The following TENM2 variants were observed in gnomAD, a reference collection of about 807,000 sequenced individuals.
The protein encoded by TENM2 is teneurin-2.
A neutral mutation model predicts 245.2 loss-of-function variants in TENM2; 52 were observed. The ratio of observed to expected loss-of-function variants is 0.21; its 90% CI spans 0.17 to 0.27. The LOEUF (loss-of-function observed/expected upper bound fraction) is 0.27. Ranked by LOEUF, TENM2 falls within the 10% of genes least tolerant of loss-of-function variation. The probability of loss-of-function intolerance (pLI) is 1.00; values close to 1 mark genes in which losing one functional copy is unlikely to be tolerated. For synonymous variants in TENM2, 1,363 were observed against 1,438.9 expected, an observed-to-expected ratio of 0.95 and a Z score of 1.19; for missense variants, 3,046 against 3,666.8, an observed-to-expected ratio of 0.83 and a Z score of 4.37.
chr5:167,838,040 A>C (rs572140687), intron 2 of TENM2, among the ~76,000 whole-genome samples: 8 of 152,230 alleles, frequency 5.3e-5, no homozygotes, highest in Non-Finnish European at 1.0e-4. Flanking sequence ...AAATGCCCAG[A>C]AGAAATACCG....
intron 2 of TENM2, among the ~76,000 whole-genome samples, chr5:167,812,223 TGAA>T (rs1561808963): frequency 1.3e-5 from 2 of 152,166 alleles, no homozygotes; most frequent in Admixed American, 1.3e-4. Context: ...GAGAAGGGGC[TGAA>T]GATGATGGAA....
At chr5:167,070,533 ATAT>A in the TENM2 span, among the ~76,000 whole-genome samples, 533 of 152,148 alleles carry the variant, frequency 3.5e-3, 2 homozygotes, top group African/African-American at 0.012. Flanking sequence ...ATCATAATAA[ATAT>A]TAATAATAGC....
intron 2 of TENM2, among the ~76,000 whole-genome samples, chr5:167,614,985 C>G (rs1175681367): frequency 6.6e-6 from 1 of 152,116 alleles, no homozygotes; most frequent in African/African-American, 2.4e-5. Flanking sequence ...TTTACTTTAT[C>G]TCACTGTGGG....
chr5:168,252,456 C>T (rs753664420), intron 27 of TENM2, among the ~76,000 whole-genome samples: 21 of 151,850 alleles, frequency 1.4e-4, no homozygotes, highest in Non-Finnish European at 2.4e-4. Flanking sequence ...GAAACTCTTC[C>T]GTCTTGGACA....
chr5:167,956,991 T>G (rs1780611315), intron 4 of TENM2, among the ~76,000 whole-genome samples: 1 of 152,192 alleles, frequency 6.6e-6, no homozygotes, highest in Non-Finnish European at 1.5e-5. Flanking sequence ...CCTCATAAAA[T>G]GAGTTAGGGA....
intron 2 of TENM2, among the ~76,000 whole-genome samples, chr5:167,609,796 G>A (rs1008047140): frequency 6.6e-5 from 10 of 152,086 alleles, no homozygotes; most frequent in African/African-American, 9.7e-5. Flanking sequence ...TGTTCAACAC[G>A]GAATACTTAA....
At chr5:168,204,273 A>C (rs74878072) in intron 18 of TENM2, 99 bp from the exon 21 acceptor site, 50,179 of 1,326,104 alleles carry the variant, frequency 0.038, 1,874 homozygotes, top group African/African-American at 0.18. Context: ...CGAGCACTGA[A>C]GATTCCTAAT....
chr5:166,983,100 AC>A, the TENM2 span, among the ~76,000 whole-genome samples: 4 of 152,202 alleles, frequency 2.6e-5, no homozygotes, highest in South Asian at 8.3e-4. Flanking sequence ...ATAAACCACT[AC>A]TTAACATAAT....
intron 2 of TENM2, among the ~76,000 whole-genome samples, chr5:167,632,260 T>C (rs1778922078): frequency 6.6e-6 from 1 of 152,210 alleles, no homozygotes; most frequent in East Asian, 1.9e-4. Context: ...TCATGGGCCA[T>C]GATAGTGTCT....
chr5:167,651,810 G>A (rs182810855), intron 2 of TENM2, among the ~76,000 whole-genome samples: 1 of 152,208 alleles, frequency 6.6e-6, no homozygotes, highest in East Asian at 1.9e-4. Context: ...CTGAACACAC[G>A]TAGCTTCCAA....
At chr5:167,867,969 G>C (rs1367608454) in intron 2 of TENM2, among the ~76,000 whole-genome samples, 1 of 152,208 alleles carries the variant, frequency 6.6e-6, no homozygotes, top group Non-Finnish European at 1.5e-5. Context: ...AGGGGAAGAA[G>C]GCTGACTGAA....
Position 168,083,230 on chromosome 5 carries a change from T to C in TENM2, c.1516-7344T>C, listed in dbSNP as rs186944004. ...TGTGCCAGCAATAACCGAGGATCCG[T>C]TGGTGTGGGACCCTCTGAGCCATGT... On this transcript the variant is annotated intron_variant, in intron 7 of 28. Coordinates refer to ENST00000518659, the Ensembl canonical transcript of TENM2. Among the ~76,000 whole-genome samples, 732 of 152,320 alleles carry C rather than the reference T, an allele frequency of 4.8e-3. 11 individuals carry two copies. Among genetic ancestry groups the C allele is most frequent in the African/African-American group, 0.017 (699 of 41,556 alleles).
At chr5:167,280,968 T>C (rs1253524066), upstream of TENM2, among the ~76,000 whole-genome samples, 1 of 152,122 alleles carries the variant, frequency 6.6e-6, no homozygotes, top group African/African-American at 2.4e-5. Flanking sequence ...GGCTTTTAGC[T>C]GTACCTTGTA....
chr5:167,904,129 A>G (rs537604201), intron 3 of TENM2, among the ~76,000 whole-genome samples: 2 of 152,196 alleles, frequency 1.3e-5, no homozygotes, highest in Non-Finnish European at 2.9e-5. Flanking sequence ...ATATATGCCT[A>G]TTTATGCCCC....
chr5:167,878,856 A>G (rs547065877), intron 3 of TENM2, among the ~76,000 whole-genome samples: 6 of 152,276 alleles, frequency 3.9e-5, no homozygotes, highest in Admixed American at 6.5e-5. Flanking sequence ...GGTTAATTAC[A>G]CAGAATTTTT....
At chr5:167,490,630 A>G (rs1190788985) in intron 2 of TENM2, among the ~76,000 whole-genome samples, 1 of 152,188 alleles carries the variant, frequency 6.6e-6, no homozygotes, top group Non-Finnish European at 1.5e-5. Flanking sequence ...CTCTCATATT[A>G]TTGATAATTT....
intron 2 of TENM2, among the ~76,000 whole-genome samples, chr5:167,443,710 T>C (rs1437388669): frequency 1.3e-5 from 2 of 152,202 alleles, no homozygotes; most frequent in Non-Finnish European, 2.9e-5. Context: ...TTCTGAAATA[T>C]GTTTTGCCTC....
rs1239264874 is a variant in TENM2, at chr5:168,198,845, C to T, written c.2901-8C>T. 1.9e-6 allele frequency: 3 copies of T among 1,611,622 alleles called. No individual in the cohort carries two copies. The highest frequency in any genetic ancestry group is 1.7e-5 in the Admixed American group (1 of 60,000). ...ACCCCCTCATCAGCTCATTTACTCCCTCTCCAGGTTCGACCTGATCGCAAA... is the reference window on the plus strand; with the variant it reads ...ACCCCCTCATCAGCTCATTTACTCCTTCTCCAGGTTCGACCTGATCGCAAA... On this transcript the variant is annotated splice_polypyrimidine_tract_variant and splice_region_variant and intron_variant, in intron 15 of 28. Transcript: ENST00000518659.
chr5:167,685,757 C>G (rs1424448192), intron 2 of TENM2, among the ~76,000 whole-genome samples: 2 of 152,112 alleles, frequency 1.3e-5, no homozygotes, highest in African/African-American at 4.8e-5. Context: ...GTAAAAAAAA[C>G]ACACTGTGTT....
Sources: gnomAD v4.1 joint callset for allele counts (sites outside exome capture counted in the v4.1 genomes callset) on GRCh38, gnomAD v4.1.1 for gene constraint, MANE v1.5 for transcripts, NCBI Gene and HGNC (gene_info 2026-07-23, HGNC 2026-07-21) for gene names.